AKR1C3: variants seen among roughly 807,000 people sequenced by gnomAD.
AKR1C3 encodes the protein aldo-keto reductase family 1 member C3.
In AKR1C3, 48 loss-of-function variants were observed where a neutral mutation model predicts 43.6. The observed-to-expected ratio is 1.10, with a 90% CI of 0.87 to 1.40. The LOEUF is 1.40. AKR1C3 is among the 40% of genes most tolerant of loss of function. The pLI is 0.00. For missense variants in AKR1C3, 482 were observed against 391.2 expected (o/e 1.23, Z -1.96); for synonymous variants, 162 against 139.6 (o/e 1.16, Z -1.13).
At chr10:5,091,064 G>A (rs1554784117), upstream of AKR1C3, among the ~76,000 whole-genome samples, 1 of 151,790 alleles carries the variant, frequency 6.6e-6, no homozygotes, top group Admixed American at 6.6e-5. Context: ...ACAGAGTGTA[G>A]AACATGTTCA....
At chr10:5,078,720 G>T (rs2131813946) in intron 1 of AKR1C3, among the ~76,000 whole-genome samples, 1 of 152,304 alleles carries the variant, frequency 6.6e-6, no homozygotes, top group Non-Finnish European at 1.5e-5. Context: ...TATAGGCAGG[G>T]CCCAGAGAGA....
rs542014601 is a variant in AKR1C3 at position 5,084,827 on chromosome 10, C to T, written c.85-11583C>T. 2.6e-5 allele frequency among the ~76,000 whole-genome samples: 4 copies of T among 152,164 alleles called. No homozygotes were observed. In the South Asian group the frequency reaches 8.3e-4, roughly 32 times the overall value. On this transcript the variant is annotated intron_variant, in intron 1 of 8. Transcript: ENST00000439082. The stretch of plus-strand genomic sequence containing the variant: ...AAGTTGGATTCCTAGGTATTTTATT[C>T]TCTTTGAAGCAATTATGAATAGGAG...
At chr10:5,051,823 T>C (rs964185506) in intron 1 of AKR1C3, among the ~76,000 whole-genome samples, 3 of 152,246 alleles carry the variant, frequency 2.0e-5, no homozygotes, top group African/African-American at 7.2e-5. Context: ...CCACAGGCCA[T>C]AAGGGAAAGA....
chr10:5,068,161 T>C (rs1306283755), intron 1 of AKR1C3, among the ~76,000 whole-genome samples: 3 of 150,898 alleles, frequency 2.0e-5, no homozygotes, highest in African/African-American at 7.4e-5. Context: ...CTATGGTTTA[T>C]AGTAACATAA....
chr10:5,064,056 A>G (rs575547893), intron 1 of AKR1C3, among the ~76,000 whole-genome samples: 1 of 152,354 alleles, frequency 6.6e-6, no homozygotes, highest in African/African-American at 2.4e-5. Flanking sequence ...TTGCTCATCC[A>G]TAAAAGTAGC....
intron 1 of AKR1C3, among the ~76,000 whole-genome samples, chr10:5,082,844 T>A (rs554121399): frequency 6.6e-6 from 1 of 152,320 alleles, no homozygotes; most frequent in African/African-American, 2.4e-5. Flanking sequence ...CACATTTTTT[T>A]AAAAGAGATT....
At chr10:5,097,660 C>T in intron 3 of AKR1C3, 110 bp downstream of exon 3, 3 of 1,585,696 alleles carry the variant, frequency 1.9e-6, no homozygotes, top group Non-Finnish European at 2.6e-6. Flanking sequence ...GATTATCACA[C>T]AGAAGAAGAA....
At chr10:5,066,295 A>G (rs532045965) in intron 1 of AKR1C3, among the ~76,000 whole-genome samples, 10 of 152,324 alleles carry the variant, frequency 6.6e-5, no homozygotes, top group Non-Finnish European at 1.3e-4. Flanking sequence ...AGTCCAAAAC[A>G]ATGGCCTCCT....
intron 1 of AKR1C3, among the ~76,000 whole-genome samples, chr10:5,085,842 G>C (rs1176097604): frequency 6.6e-6 from 1 of 151,890 alleles, no homozygotes; most frequent in Non-Finnish European, 1.5e-5. Context: ...ATTTCTTCTA[G>C]ATTTTCTAGT....
intron 1 of AKR1C3, among the ~76,000 whole-genome samples, chr10:5,085,903 T>C (rs4322298): frequency 0.14 from 21,587 of 151,940 alleles, 2,124 homozygotes; most frequent in South Asian, 0.35. Flanking sequence ...TTTGTATTTC[T>C]GAGGGATCGG....
chr10:5,079,063 C>A (rs886313641), intron 1 of AKR1C3, among the ~76,000 whole-genome samples: 6 of 152,308 alleles, frequency 3.9e-5, no homozygotes, highest in Admixed American at 3.9e-4. Context: ...CAGTAGCCAG[C>A]CTGGATCATT....
intron 8 of AKR1C3, among the ~76,000 whole-genome samples, 155 bp from the exon 9 acceptor site, chr10:5,107,303 TGTA>T: frequency 6.6e-6 from 1 of 152,208 alleles, no homozygotes; most frequent in East Asian, 1.9e-4. Context: ...TTGAAAATAC[TGTA>T]TTATGAAGCC....
At position 5,099,365 on chromosome 10, in the gene AKR1C3, C is replaced by G; in HGVS notation, c.486C>G (p.Ser162=). Reference sequence around the variant, plus strand: ...GTAAGGATGCAGGATTGGCCAAGTCCATTGGGGTGTCAAACTTCAACCGCA... The same window carrying G: ...GTAAGGATGCAGGATTGGCCAAGTCGATTGGGGTGTCAAACTTCAACCGCA... ...EKCKDAGLAK[S]IGVSNFNRRQ... Residue 162 remains serine, a synonymous_variant, in exon 5 of 9, where the codon TCC becomes TCG. Transcript: ENST00000380554. 1 of 1,614,090 alleles carries G rather than the reference C, an allele frequency of 6.2e-7. No individual in the cohort carries two copies. The highest frequency in any genetic ancestry group is 8.5e-7 in the Non-Finnish European group (1 of 1,180,010).
intron 1 of AKR1C3, among the ~76,000 whole-genome samples, chr10:5,056,934 A>C (rs782405456): frequency 4.6e-5 from 7 of 152,228 alleles, no homozygotes; most frequent in Non-Finnish European, 1.0e-4. Flanking sequence ...CATCCAGGAC[A>C]GGAGATTAAC....
At chr10:5,075,264 T>C (rs529550201) in intron 1 of AKR1C3, among the ~76,000 whole-genome samples, 3 of 152,266 alleles carry the variant, frequency 2.0e-5, no homozygotes, top group African/African-American at 7.2e-5. Flanking sequence ...CACATGGTCA[T>C]AAGTTTGTGT....
upstream of AKR1C3, among the ~76,000 whole-genome samples, chr10:5,091,374 T>G (rs909220737): frequency 6.6e-6 from 1 of 152,156 alleles, no homozygotes; most frequent in African/African-American, 2.4e-5. Context: ...TCTGGTTCAA[T>G]GGGCTAATGT....
At chr10:5,072,625 C>A (rs2093926326) in intron 1 of AKR1C3, among the ~76,000 whole-genome samples, 1 of 152,146 alleles carries the variant, frequency 6.6e-6, no homozygotes, top group Non-Finnish European at 1.5e-5. Flanking sequence ...TCTCCATGGG[C>A]CCCTTACTCC....
At chr10:5,090,957 T>C (rs1487014078), upstream of AKR1C3, among the ~76,000 whole-genome samples, 2 of 152,106 alleles carry the variant, frequency 1.3e-5, no homozygotes, top group East Asian at 3.9e-4. Flanking sequence ...GCATTGACTA[T>C]TGACCTTTAC....
chr10:5,049,681 A>C (rs907081409), intron 1 of AKR1C3, among the ~76,000 whole-genome samples: 13 of 152,210 alleles, frequency 8.5e-5, no homozygotes, highest in African/African-American at 3.1e-4. Flanking sequence ...TATGTTTGTG[A>C]TTAGGGACTA....
Sources: gnomAD v4.1 joint callset for allele counts (sites outside exome capture counted in the v4.1 genomes callset) on GRCh38, gnomAD v4.1.1 for gene constraint, MANE v1.5 for transcripts, NCBI Gene and HGNC (gene_info 2026-07-23, HGNC 2026-07-21) for gene names.